The following TBC1D14 variants were observed in gnomAD, a reference collection of about 807,000 sequenced individuals.
The protein encoded by TBC1D14 is TBC1 domain family, member 14.
Under a neutral mutation model 79.0 loss-of-function variants are expected in TBC1D14, and 26 were observed. That is an observed-to-expected ratio of 0.33 (90% CI 0.24 to 0.46). The LOEUF is 0.46. Among genes scored for constraint, TBC1D14 ranks in the 20% least tolerant of loss-of-function variants. The pLI is 1.00. For synonymous variants in TBC1D14, 394 were observed against 349.9 expected (o/e 1.13, Z -1.40); for missense variants, 769 against 887.6 (o/e 0.87, Z 1.70).
At chr4:6,956,200 C>T (rs1216010406) in intron 2 of TBC1D14, among the ~76,000 whole-genome samples, 1 of 152,110 alleles carries the variant, frequency 6.6e-6, no homozygotes, top group Non-Finnish European at 1.5e-5. Context: ...TGTGTAAGCT[C>T]CAAGGCCCTC....
intron 3 of TBC1D14, among the ~76,000 whole-genome samples, chr4:6,974,798 T>C (rs559256845): frequency 2.0e-5 from 3 of 152,202 alleles, no homozygotes; most frequent in African/African-American, 7.2e-5. Context: ...TCAAAATTAA[T>C]TGGCTTAAGA....
chr4:6,994,109 A>G lies in TBC1D14; in HGVS notation c.844-75A>G, dbSNP rs1718773228. On this transcript the variant is annotated intron_variant, in intron 3 of 13. Transcript: ENST00000409757. ...TGGCTTAAAAGAGTTTCATGACAAA[A>G]CAACTTTCTTACTTTCCGAAGGACT... The G allele has an allele frequency of 4.6e-6, 6 of 1,304,006 alleles. No homozygotes were observed. The Admixed American group carries it at 1.0e-4, about 23-fold the overall frequency. The allele number at this position is 1,304,006 out of a possible 1,614,324, so 80.8% of individuals were successfully genotyped here.
chr4:7,009,969 T>G, intron 10 of TBC1D14, 21 bp downstream of exon 10: 1 of 1,613,014 alleles, frequency 6.2e-7, no homozygotes, highest in Non-Finnish European at 8.5e-7. Flanking sequence ...TTTCTCAGTA[T>G]TTTATAATGT....
chr4:6,990,479 C>G (rs1490228627), intron 3 of TBC1D14, among the ~76,000 whole-genome samples: 2 of 152,150 alleles, frequency 1.3e-5, no homozygotes, highest in African/African-American at 2.4e-5. Context: ...TTAGGGTTGT[C>G]CAGGGTGGCA....
intron 2 of TBC1D14, among the ~76,000 whole-genome samples, chr4:6,961,414 G>A (rs962385726): frequency 6.6e-6 from 1 of 152,118 alleles, no homozygotes; most frequent in African/African-American, 2.4e-5. Context: ...GTGCCATGGG[G>A]GAGCTGAGCT....
intron 3 of TBC1D14, among the ~76,000 whole-genome samples, chr4:6,989,569 A>G (rs1718273347): frequency 6.6e-6 from 1 of 151,802 alleles, no homozygotes; most frequent in Admixed American, 6.6e-5. Flanking sequence ...CCCTCCTGGC[A>G]CATCTCACGG....
At chr4:6,989,892 G>A (rs533410390) in intron 3 of TBC1D14, among the ~76,000 whole-genome samples, 4 of 152,232 alleles carry the variant, frequency 2.6e-5, no homozygotes, top group African/African-American at 9.6e-5. Flanking sequence ...GTATGGTCTC[G>A]TCTTTCCCAG....
rs544982257 is a variant in TBC1D14 at position 6,943,802 on chromosome 4, C to T, written c.722+19691C>T. On this transcript the variant is annotated intron_variant, in intron 2 of 13. Coordinates refer to ENST00000409757, the MANE Select transcript of TBC1D14 (RefSeq NM_020773.3). ...GGTTTTCCGAGCCGGTGCAGGTGGTCAGCAGATAACCTTGAGTGAATGTGA... is the reference window on the plus strand; with the variant it reads ...GGTTTTCCGAGCCGGTGCAGGTGGTTAGCAGATAACCTTGAGTGAATGTGA... Among the ~76,000 whole-genome samples the T allele has an allele frequency of 3.3e-5, 5 of 152,296 alleles. No homozygotes were observed. The East Asian group carries it at 9.6e-4, about 29-fold the overall frequency.
At chr4:7,025,928 A>G (rs1308224200) in intron 13 of TBC1D14, among the ~76,000 whole-genome samples, 1 of 152,112 alleles carries the variant, frequency 6.6e-6, no homozygotes, top group Admixed American at 6.5e-5. Flanking sequence ...AAAAAAAACC[A>G]GTTTGGGTTC....
chr4:7,000,813 A>G (rs1719593847), intron 6 of TBC1D14, among the ~76,000 whole-genome samples: 1 of 152,088 alleles, frequency 6.6e-6, no homozygotes, highest in South Asian at 2.1e-4. Flanking sequence ...AGGCCAAGCC[A>G]TTGCTTTTTC....
chr4:6,978,603 C>T (rs544137596), intron 3 of TBC1D14, among the ~76,000 whole-genome samples: 47 of 148,858 alleles, frequency 3.2e-4, no homozygotes, highest in Non-Finnish European at 5.5e-4. Flanking sequence ...ACAAACACTG[C>T]GGAAGGCCGC....
At chr4:7,024,069 C>T (rs1055180376) in intron 12 of TBC1D14, among the ~76,000 whole-genome samples, 2 of 152,224 alleles carry the variant, frequency 1.3e-5, no homozygotes, top group African/African-American at 4.8e-5. Flanking sequence ...ACCTGGAGGA[C>T]AGGCCGCATC....
Position 6,936,413 on chromosome 4 carries a change from T to C in TBC1D14, c.722+12302T>C, listed in dbSNP as rs888745621. 2.6e-5 allele frequency among the ~76,000 whole-genome samples: 4 copies of C among 152,244 alleles called. No individual in the cohort carries two copies. In the East Asian group the frequency reaches 7.7e-4, roughly 29 times the overall value. ...ATACAGGTGGAAATCATTTTCAGAC[T>C]GGCTTCTTTTACTTAGTAATGTAAA... On this transcript the variant is annotated intron_variant, in intron 2 of 13. Transcript: ENST00000409757.
At chr4:6,967,520 GA>G (rs1391838323) in intron 3 of TBC1D14, 96 bp downstream of exon 3, 1 of 1,492,614 alleles carries the variant, frequency 6.7e-7, no homozygotes, top group Non-Finnish European at 9.0e-7. Context: ...TCTGAAACTG[GA>G]AATCGCTTTG....
At chr4:6,924,218 C>A in intron 2 of TBC1D14, 107 bp downstream of exon 2, 1 of 1,405,842 alleles carries the variant, frequency 7.1e-7, no homozygotes, top group Non-Finnish European at 9.4e-7. Flanking sequence ...TAGGCAGGCA[C>A]TGTCTCACAC....
rs917043605 is a variant in TBC1D14 at position 7,031,164 on chromosome 4, G to A, written c.*772G>A. On this transcript the variant is annotated 3_prime_UTR_variant, in exon 14 of 14. Transcript: ENST00000409757. Reference sequence around the variant, plus strand: ...CAATAGAGATAGGCTTAAAAGCGGAGAGAACACAGAGTGGAATCAGCCCCC... The same window carrying A: ...CAATAGAGATAGGCTTAAAAGCGGAAAGAACACAGAGTGGAATCAGCCCCC... The A allele has an allele frequency of 2.0e-5, 3 of 152,380 alleles. No homozygotes were observed. Among genetic ancestry groups the A allele is most frequent in the African/African-American group, 7.2e-5 (3 of 41,480 alleles). The allele number at this position is 152,380 out of a possible 1,614,324, so 9.4% of individuals were successfully genotyped here.
intron 1 of TBC1D14, 91 bp from the exon 2 acceptor site, chr4:6,923,282 A>C (rs41516949): frequency 0.29 from 397,377 of 1,393,776 alleles, 58,175 homozygotes; most frequent in Admixed American, 0.35. Context: ...TTCTCCCTTA[A>C]GTGAGATCAG....
At chr4:6,998,318 T>G (rs780294085) in intron 5 of TBC1D14, among the ~76,000 whole-genome samples, 4 of 145,582 alleles carry the variant, frequency 2.7e-5, no homozygotes, top group African/African-American at 1.0e-4. Context: ...CAAGATTGCA[T>G]CACTGCACCC....
At chr4:6,985,588 G>A (rs997612193) in intron 3 of TBC1D14, among the ~76,000 whole-genome samples, 6 of 152,136 alleles carry the variant, frequency 3.9e-5, no homozygotes, top group African/African-American at 1.2e-4. Context: ...AAACAAACTG[G>A]TGACAATAAA....
Sources: gnomAD v4.1 joint callset for allele counts (sites outside exome capture counted in the v4.1 genomes callset) on GRCh38, gnomAD v4.1.1 for gene constraint, MANE v1.5 for transcripts, NCBI Gene and HGNC (gene_info 2026-07-23, HGNC 2026-07-21) for gene names.